The following SH3PXD2B variants were observed in gnomAD, a reference collection of about 807,000 sequenced individuals.
SH3PXD2B encodes the protein SH3 and PX domains 2B, also known as SH3 and PX domain-containing protein 2B.
Under a neutral mutation model 73.1 loss-of-function variants are expected in SH3PXD2B, and 37 were observed. The ratio of observed to expected loss-of-function variants is 0.51; its 90% CI spans 0.39 to 0.67. SH3PXD2B has a LOEUF of 0.67. Ranked by LOEUF, SH3PXD2B falls within the 30% of genes least tolerant of loss-of-function variation. The probability of loss-of-function intolerance (pLI) is 0.00; values close to 1 mark genes in which losing one functional copy is unlikely to be tolerated. For synonymous variants in SH3PXD2B, 457 were observed against 480.5 expected (o/e 0.95, Z 0.64); for missense variants, 1,053 against 1,197.8 (o/e 0.88, Z 1.78).
intron 1 of SH3PXD2B, among the ~76,000 whole-genome samples, chr5:172,450,515 C>T (rs193273522): frequency 3.4e-4 from 51 of 151,674 alleles, no homozygotes; most frequent in African/African-American, 1.2e-3. Flanking sequence ...GAAAATATAC[C>T]CATTTGAAAG....
intron 1 of SH3PXD2B, among the ~76,000 whole-genome samples, chr5:172,443,769 C>T (rs1759601489): frequency 6.6e-6 from 1 of 152,248 alleles, no homozygotes; most frequent in South Asian, 2.1e-4. Flanking sequence ...CTTTCTTTGC[C>T]AGCACAGCGG....
chr5:172,447,187 A>T (rs1484356010), intron 1 of SH3PXD2B, among the ~76,000 whole-genome samples: 1 of 152,200 alleles, frequency 6.6e-6, no homozygotes, highest in Non-Finnish European at 1.5e-5. Context: ...AAGCACAGAA[A>T]AGCACAGACA....
chr5:172,378,792 C>T (rs530049852), intron 5 of SH3PXD2B, among the ~76,000 whole-genome samples: 4 of 152,226 alleles, frequency 2.6e-5, no homozygotes, highest in Middle Eastern at 6.8e-3. Flanking sequence ...TCCTATAGGC[C>T]GGGCATGGTG....
At chr5:172,435,834 A>T (rs1257063107) in intron 1 of SH3PXD2B, among the ~76,000 whole-genome samples, 2 of 71,240 alleles carry the variant, frequency 2.8e-5, no homozygotes, top group Non-Finnish European at 8.7e-5. Flanking sequence ...ACTGAAGACA[A>T]CATCTCAAGA....
chr5:172,412,842 C>T (rs1758732905), intron 2 of SH3PXD2B, among the ~76,000 whole-genome samples: 1 of 152,162 alleles, frequency 6.6e-6, no homozygotes, highest in Non-Finnish European at 1.5e-5. Context: ...AGAAGTGGCG[C>T]TCAGGGTGAG....
At chr5:172,436,048 G>A (rs753224870) in intron 1 of SH3PXD2B, among the ~76,000 whole-genome samples, 4 of 152,238 alleles carry the variant, frequency 2.6e-5, no homozygotes, top group African/African-American at 4.8e-5. Context: ...CTGGCCAAGA[G>A]GTGCAGTGAC....
intron 4 of SH3PXD2B, among the ~76,000 whole-genome samples, chr5:172,391,827 C>A (rs1015203098): frequency 1.7e-4 from 26 of 152,122 alleles, no homozygotes; most frequent in Admixed American, 1.6e-3. Context: ...AAATTAAATT[C>A]AATTTTTATC....
chr5:172,424,252 T>G (rs947491334), intron 1 of SH3PXD2B, among the ~76,000 whole-genome samples: 6 of 152,246 alleles, frequency 3.9e-5, no homozygotes, highest in Middle Eastern at 3.4e-3. Context: ...CCAGTCCAGG[T>G]TGATACCGGA....
chr5:172,333,213 G>T (rs1053186970), downstream of SH3PXD2B, among the ~76,000 whole-genome samples: 6 of 152,162 alleles, frequency 3.9e-5, no homozygotes, highest in Admixed American at 3.3e-4. Context: ...GGGATTACAG[G>T]TGTGAGCCAC....
chr5:172,433,103 A>T (rs1219235594), intron 1 of SH3PXD2B, among the ~76,000 whole-genome samples: 1 of 152,032 alleles, frequency 6.6e-6, no homozygotes, highest in East Asian at 1.9e-4. Flanking sequence ...TCTATGTAAC[A>T]CAATGGTGAG....
At chr5:172,325,431 G>A in intron 12 of SH3PXD2B, 5 of 1,294,794 alleles carry the variant, frequency 3.9e-6, no homozygotes, top group Non-Finnish European at 2.1e-6. Context: ...CTTTCCAAAC[G>A]AAAGACTAAC....
At chr5:172,328,880 C>T (rs1009586888), downstream of SH3PXD2B, among the ~76,000 whole-genome samples, 2 of 151,874 alleles carry the variant, frequency 1.3e-5, no homozygotes, top group African/African-American at 4.8e-5. Flanking sequence ...GTGATTGCAG[C>T]TCCATTCACA....
chr5:172,446,965 G>A (rs1487856911), intron 1 of SH3PXD2B, among the ~76,000 whole-genome samples: 1 of 152,216 alleles, frequency 6.6e-6, no homozygotes, highest in Non-Finnish European at 1.5e-5. Context: ...CTCCCTCTGT[G>A]GCAGGAGTGG....
chr5:172,343,614 A>G (rs1225233818), intron 12 of SH3PXD2B, among the ~76,000 whole-genome samples: 1 of 152,164 alleles, frequency 6.6e-6, no homozygotes, highest in East Asian at 1.9e-4. Context: ...TAGCCTGGCC[A>G]ACACGGTGAA....
intron 4 of SH3PXD2B, among the ~76,000 whole-genome samples, chr5:172,386,930 T>C (rs1581298181): frequency 6.6e-6 from 1 of 152,306 alleles, no homozygotes; most frequent in East Asian, 1.9e-4. Flanking sequence ...CAGTTTTATG[T>C]TATGGTTGTG....
At chr5:172,381,533 G>A (rs564260853) in intron 5 of SH3PXD2B, among the ~76,000 whole-genome samples, 4 of 152,264 alleles carry the variant, frequency 2.6e-5, no homozygotes, top group Non-Finnish European at 5.9e-5. Flanking sequence ...CCTGTCCACT[G>A]CAGGGAGAAG....
downstream of SH3PXD2B, among the ~76,000 whole-genome samples, chr5:172,332,218 C>A (rs1756568915): frequency 6.6e-6 from 1 of 151,396 alleles, no homozygotes; most frequent in African/African-American, 2.4e-5. Context: ...TGAACCTGCT[C>A]CTATGGGGGC....
At position 172,336,886 on chromosome 5, in the gene SH3PXD2B, G is replaced by A; in HGVS notation, c.*1483C>T. On this transcript the variant is annotated 3_prime_UTR_variant, in exon 13 of 13. Transcript: ENST00000311601. ...CCACATCTGCCCTGGGTTTCTTCAA[G>A]GGAGAAAACAGATTTGGCAGTGCGT... 1 of 985,460 alleles carries A rather than the reference G, an allele frequency of 1.0e-6. No individual in the cohort carries two copies. The highest frequency in any genetic ancestry group is 1.7e-5 in the African/African-American group (1 of 57,352). 61.0% of individuals were successfully genotyped at this position (985,460 alleles called of 1,614,324 possible).
chr5:172,422,204 G>A (rs913922762), intron 2 of SH3PXD2B, among the ~76,000 whole-genome samples: 8 of 152,104 alleles, frequency 5.3e-5, no homozygotes, highest in Non-Finnish European at 1.0e-4. Context: ...CATGTTGGCC[G>A]GGCTGGTCTC....
Sources: gnomAD v4.1 joint callset for allele counts (sites outside exome capture counted in the v4.1 genomes callset) on GRCh38, gnomAD v4.1.1 for gene constraint, MANE v1.5 for transcripts, NCBI Gene and HGNC (gene_info 2026-07-23, HGNC 2026-07-21) for gene names.